ADAMTS13: variants seen among roughly 807,000 people sequenced by gnomAD.
ADAMTS13 encodes ADAM metallopeptidase with thrombospondin type 1 motif 13, also known as A disintegrin and metalloproteinase with thrombospondin motifs 13.
In ADAMTS13, 110 loss-of-function variants were observed where a neutral mutation model predicts 155.1. The observed-to-expected ratio is 0.71, with a 90% CI of 0.61 to 0.83. ADAMTS13 has a LOEUF of 0.83. Among genes scored for constraint, ADAMTS13 ranks in the 40% least tolerant of loss-of-function variants. The probability of loss-of-function intolerance (pLI) is 0.00; values close to 1 mark genes in which losing one functional copy is unlikely to be tolerated. For missense variants in ADAMTS13, 1,707 were observed against 1,891.7 expected (o/e 0.90, Z 1.81); for synonymous variants, 758 against 756.4 (o/e 1.00, Z -0.03).
At position 133,456,557 on chromosome 9, in the gene ADAMTS13, C is replaced by A. The variant is rs1554796056; in HGVS notation, c.3562C>A (p.Leu1188Ile). ...LNCSAGDMLL[L>I]WGRLTWRKMC... is the part of the protein sequence containing the mutation. ...CCGCTTCCTAGGGGACATGTTGCTG[C>A]TTTGGGGCCGGCTCACCTGGAGGAA... The change falls in exon 27 of 29, where the codon CTT becomes ATT. Residue 1188 changes from leucine to isoleucine, a missense_variant. This residue lies in a region of ADAMTS13 where 961 missense variants were observed against 1,107.9 expected (regional missense o/e 0.87). Coordinates refer to ENST00000355699, the MANE Select transcript of ADAMTS13 (RefSeq NM_139027.6). This position sits in a 1 kb window ranked among gnomAD's most constrained non-coding sequence, Gnocchi z 4.4. The A allele has an allele frequency of 1.2e-6, 2 of 1,613,516 alleles. No homozygotes were observed. The highest frequency in any genetic ancestry group is 1.7e-6 in the Non-Finnish European group (2 of 1,179,950).
chr9:133,416,516 CA>C (rs887972638), intron 1 of ADAMTS13, among the ~76,000 whole-genome samples: 1 of 152,108 alleles, frequency 6.6e-6, no homozygotes, highest in African/African-American at 2.4e-5. Context: ...GAGGCTGAGG[CA>C]GGAGAATCAC....
rs1554792059 is a variant in ADAMTS13, at chr9:133,444,954, C to G, written c.2512C>G (p.Leu838Val). The G allele has an allele frequency of 6.2e-7, 1 of 1,613,498 alleles. No homozygotes were observed. Among genetic ancestry groups the G allele is most frequent in the Admixed American group, 1.7e-5 (1 of 60,028 alleles). Residue 838 changes from leucine to valine, a missense_variant, in exon 20 of 29, where the codon CTG becomes GTG. Leu to Val is a conservative substitution (Grantham distance 32). This residue lies in a region of ADAMTS13 where 961 missense variants were observed against 1,107.9 expected (regional missense o/e 0.87). Transcript: ENST00000355699. Reference protein sequence around the residue: ...NETCVPGADGLEAPVTEGPGS... With the variant: ...NETCVPGADGVEAPVTEGPGS... ...GACCTGTGTGCCAGGGGCAGATGGC[C>G]TGGAGGCTCCAGTGACTGAGGGGCC...
rs587597910 is a variant in ADAMTS13 at position 133,448,379 on chromosome 9, C to A, written c.2732-220C>A. 1.1e-4 allele frequency among the ~76,000 whole-genome samples: 16 copies of A among 152,306 alleles called. No individual in the cohort carries two copies. In the South Asian group the frequency reaches 2.9e-3, roughly 28 times the overall value. On this transcript the variant is annotated intron_variant, in intron 21 of 28. Coordinates refer to ENST00000355699, the MANE Select transcript of ADAMTS13 (RefSeq NM_139027.6). ...ACTTGTTATCTTCCCTTTTAAAAAT[C>A]TTTATAAATGATTCTGCAAGGTAGA... is the stretch of plus-strand genomic sequence containing the variant.
At chr9:133,444,414 A>G (rs1841916925) in intron 19 of ADAMTS13, among the ~76,000 whole-genome samples, 1 of 151,710 alleles carries the variant, frequency 6.6e-6, no homozygotes, top group Non-Finnish European at 1.5e-5. Context: ...ATGCAGTGGC[A>G]TGATCTTGGC....
rs147191556 is a variant in ADAMTS13 at position 133,432,780 on chromosome 9, G to A, written c.1092+88G>A. 2,974 of 1,313,374 alleles carry A rather than the reference G, an allele frequency of 2.3e-3. 29 individuals are homozygous for A. Among genetic ancestry groups the A allele is most frequent in the African/African-American group, 0.021 (1,468 of 68,460 alleles). The allele number at this position is 1,313,374 out of a possible 1,614,324, so 81.4% of individuals were successfully genotyped here. ...GGCCGCCCTATTCCTAGGTCAGGAGGCAGGACCAGTATGGGGCAGAGAGTC... is the reference window on the plus strand; with the variant it reads ...GGCCGCCCTATTCCTAGGTCAGGAGACAGGACCAGTATGGGGCAGAGAGTC... On this transcript the variant is annotated intron_variant, in intron 9 of 28. Transcript: ENST00000355699.
rs1029870965 is a variant in ADAMTS13 at position 133,414,446 on chromosome 9, T to C, written n.89T>C. On this transcript the variant is annotated non_coding_transcript_exon_variant, in exon 1 of 18. Coordinates refer to the ADAMTS13 transcript ENST00000485925. ...TCCACACACGTGTACTGGCACCCAC[T>C]AAATGCTGAGCTCTGCTCAACGCTC... The C allele has an allele frequency of 1.0e-5, 7 of 697,210 alleles. No individual in the cohort carries two copies. In the East Asian group the frequency reaches 1.6e-4, roughly 16 times the overall value. The allele number at this position is 697,210 out of a possible 1,614,324, so 43.2% of individuals were successfully genotyped here.
chr9:133,443,415 TG>T lies in ADAMTS13; in HGVS notation c.2279del (p.Gly760ValfsTer18). 1.3e-6 allele frequency: 2 copies of T among 1,599,284 alleles called. No individual in the cohort carries two copies. The highest frequency in any genetic ancestry group is 8.5e-7 in the Non-Finnish European group (1 of 1,177,742). On this transcript the variant is annotated frameshift_variant, in exon 19 of 29. Coordinates refer to ENST00000355699, the MANE Select transcript of ADAMTS13 (RefSeq NM_139027.6). LOFTEE classifies it high-confidence loss of function. ...ACTTCGGCCCATGCAGCGCCTCCTG[TG>T]GGGGTGGCCTGCGGGAGCGGCCAGT... ...GDFGPCSASC[G>X]GGLRERPVRC... is the part of the protein sequence containing the mutation.
At chr9:133,446,765 T>C (rs1275397525) in intron 21 of ADAMTS13, among the ~76,000 whole-genome samples, 1 of 152,248 alleles carries the variant, frequency 6.6e-6, no homozygotes, top group Non-Finnish European at 1.5e-5. Flanking sequence ...TTTTCCCCAG[T>C]GGCTGCACCA....
intron 25 of ADAMTS13, 199 bp from the exon 26 acceptor site, chr9:133,455,870 T>C: frequency 1.3e-6 from 1 of 789,390 alleles, no homozygotes; most frequent in Non-Finnish European, 2.1e-6. Context: ...CTGGATCATC[T>C]GGTAGCAGCC....
Position 133,433,345 on chromosome 9 carries a change from G to A in ADAMTS13, c.1093-33G>A, listed in dbSNP as rs367830159. ...GGGAGTCCTGTGGTGGGGTCACTGT[G>A]GGATGGGAGATGAAGCCATCCTTGC... is the stretch of plus-strand genomic sequence containing the variant. On this transcript the variant is annotated intron_variant, in intron 9 of 28. Coordinates refer to ENST00000355699, the MANE Select transcript of ADAMTS13 (RefSeq NM_139027.6). 1.2e-4 allele frequency: 196 copies of A among 1,611,202 alleles called. No individual in the cohort carries two copies. In the Middle Eastern group the frequency reaches 1.5e-3, roughly 13 times the overall value.
At position 133,449,863 on chromosome 9, in the gene ADAMTS13, A is replaced by T. The variant is rs782009471; in HGVS notation, c.2942A>T (p.His981Leu). ...AGGATCCTGTATTGTGCCCGGGCCCATGGGGAGGACGATGGTGAGGAGATC... is the reference window on the plus strand; with the variant it reads ...AGGATCCTGTATTGTGCCCGGGCCCTTGGGGAGGACGATGGTGAGGAGATC... ...VRRILYCARA[H>L]GEDDGEEILL... The change falls in exon 23 of 29, where the codon CAT (histidine) becomes CTT (leucine). Residue 981 changes from histidine (H) to leucine (L), a missense_variant. By Grantham distance (99) the His-to-Leu change is moderately conservative. This residue lies in a region of ADAMTS13 where 961 missense variants were observed against 1,107.9 expected (regional missense o/e 0.87). Coordinates refer to ENST00000355699, the MANE Select transcript of ADAMTS13 (RefSeq NM_139027.6). 6.2e-7 allele frequency: 1 copy of T among 1,613,888 alleles called. No individual in the cohort carries two copies.
In ADAMTS13 at chr9:133,456,096, C is replaced by T. The variant is rs1554795817; in HGVS notation, c.3428C>T (p.Pro1143Leu). ...GCCTGTGGCAGGCAGCACCTTGAGC[C>T]AACAGGAACCATTGACATGCGAGGC... ...QGACGRQHLE[P>L]TGTIDMRGPG... The change falls in exon 26 of 29, where the codon CCA becomes CTA. Residue 1143 changes from proline (P) to leucine (L), a missense_variant. Around this residue, in one of 3 missense-constraint regions of ADAMTS13, gnomAD observed 961 missense variants for 1,107.9 expected, o/e 0.87. Coordinates refer to ENST00000355699, the MANE Select transcript of ADAMTS13 (RefSeq NM_139027.6). This position sits in a 1 kb window ranked among gnomAD's most constrained non-coding sequence, Gnocchi z 4.4. 4 of 1,613,320 alleles carry T rather than the reference C, an allele frequency of 2.5e-6. No homozygotes were observed. Among genetic ancestry groups the T allele is most frequent in the Admixed American group, 1.7e-5 (1 of 60,034 alleles).
upstream of ADAMTS13, chr9:133,422,092 A>C: frequency 3.2e-6 from 1 of 307,902 alleles, no homozygotes; most frequent in Non-Finnish European, 6.0e-6. Flanking sequence ...TTCCTTGTGA[A>C]CCCCCGTCTG....
chr9:133,447,369 A>G (rs1282890482), intron 21 of ADAMTS13, among the ~76,000 whole-genome samples: 2 of 152,052 alleles, frequency 1.3e-5, no homozygotes, highest in African/African-American at 2.4e-5. Flanking sequence ...TTAGCTCACT[A>G]CAACCTCCAC....
rs1554786790 is a variant in ADAMTS13 at position 133,430,048 on chromosome 9, C to T, written c.934C>T (p.Arg312Cys). 6 of 1,595,774 alleles carry T rather than the reference C, an allele frequency of 3.8e-6. No individual in the cohort carries two copies. The highest frequency in any genetic ancestry group is 1.1e-5 in the South Asian group (1 of 89,784). The change falls in exon 8 of 29, where the codon CGC becomes TGC. Residue 312 changes from arginine (R) to cysteine (C), a missense_variant. Transcript: ENST00000355699. Reference protein sequence around the residue: ...GLYYSANEQCRVAFGPKAVAC... With the variant: ...GLYYSANEQCCVAFGPKAVAC... ...CTACTACAGCGCCAACGAGCAGTGC[C>T]GCGTGGCCTTCGGCCCCAAGGCTGT...
At chr9:133,457,790 G>C in intron 27 of ADAMTS13, 120 bp from the exon 28 acceptor site, 1 of 1,326,066 alleles carries the variant, frequency 7.5e-7, no homozygotes, top group Non-Finnish European at 1.1e-6. Context: ...GATTTGCCTG[G>C]GAACCCCAAT....
chr9:133,443,999 T>C (rs1461399319), intron 19 of ADAMTS13, among the ~76,000 whole-genome samples: 1 of 152,118 alleles, frequency 6.6e-6, no homozygotes. Flanking sequence ...AGTCCCCTCC[T>C]CTGTGGGCTT....
Position 133,437,786 on chromosome 9 carries a change from C to G in ADAMTS13, c.1473C>G (p.Gly491=). The G allele has an allele frequency of 6.2e-7, 1 of 1,613,930 alleles. No individual in the cohort carries two copies. Among genetic ancestry groups the G allele is most frequent in the South Asian group, 1.1e-5 (1 of 91,082 alleles). ...ALCRHMCRAI[G]ESFIMKRGDS... ...GCAGACACATGTGCCGGGCCATTGG[C>G]GAGAGCTTCATCATGAAGCGTGGAG... The change falls in exon 13 of 29, where the codon GGC becomes GGG. Residue 491 remains glycine, a synonymous_variant. Coordinates refer to ENST00000355699, the MANE Select transcript of ADAMTS13 (RefSeq NM_139027.6).
At position 133,456,609 on chromosome 9, in the gene ADAMTS13, C is replaced by T. The variant is rs781863146; in HGVS notation, c.3614C>T (p.Thr1205Ile). The change falls in exon 27 of 29, where the codon ACT becomes ATT. Residue 1205 changes from threonine (T) to isoleucine (I), a missense_variant. Around this residue, in one of 3 missense-constraint regions of ADAMTS13, gnomAD observed 961 missense variants for 1,107.9 expected, o/e 0.87. Coordinates refer to ENST00000355699, the MANE Select transcript of ADAMTS13 (RefSeq NM_139027.6). This position sits in a 1 kb window ranked among gnomAD's most constrained non-coding sequence, Gnocchi z 4.4. ...RKMCRKLLDM[T>I]FSSKTNTLVV... is the part of the protein sequence containing the mutation. The stretch of plus-strand genomic sequence containing the variant: ...ATGTGCAGGAAGCTGTTGGACATGA[C>T]TTTCAGCTCCAAGACCAACACGCTG... The T allele has an allele frequency of 1.9e-6, 3 of 1,613,040 alleles. No individual in the cohort carries two copies. The South Asian group carries it at 3.3e-5, about 18-fold the overall frequency.
Sources: gnomAD v4.1 joint callset for allele counts (sites outside exome capture counted in the v4.1 genomes callset) on GRCh38, gnomAD v4.1.1 for gene constraint, gnomAD v4.1.1 regional missense constraint, Gnocchi (gnomAD v3.1) non-coding constraint, MANE v1.5 for transcripts, NCBI Gene and HGNC (gene_info 2026-07-23, HGNC 2026-07-21) for gene names.